Variants in PHACTR3 observed in about 807,000 individuals in gnomAD.
PHACTR3 encodes the protein phosphatase and actin regulator 3.
A neutral mutation model predicts 66.8 loss-of-function variants in PHACTR3; 16 were observed. The ratio of observed to expected loss-of-function variants is 0.24; its 90% confidence interval spans 0.16 to 0.36. The LOEUF is 0.36. PHACTR3 is among the 10% of genes least tolerant of loss of function. The pLI, the probability that PHACTR3 is intolerant of heterozygous loss-of-function variation, is 1.00. For synonymous variants in PHACTR3, 323 were observed against 292.1 expected (o/e 1.11, Z -1.08); for missense variants, 647 against 719.9 (o/e 0.90, Z 1.16).
chr20:59,783,911 T>A (rs2146932741), intron 7 of PHACTR3, among the ~76,000 whole-genome samples: 1 of 152,352 alleles, frequency 6.6e-6, no homozygotes, highest in South Asian at 2.1e-4. Flanking sequence ...TTAAAAGCAT[T>A]GGTAGGAACT....
At chr20:59,605,290 G>A (rs2033620588) in intron 1 of PHACTR3, among the ~76,000 whole-genome samples, 158 bp downstream of exon 1, 1 of 152,188 alleles carries the variant, frequency 6.6e-6, no homozygotes, top group African/African-American at 2.4e-5. Context: ...GTCTCGCAGG[G>A]CTGGGGCGCC....
chr20:59,815,555 G>T (rs1001089774), intron 8 of PHACTR3, among the ~76,000 whole-genome samples: 3 of 151,168 alleles, frequency 2.0e-5, no homozygotes, highest in South Asian at 2.1e-4. Flanking sequence ...CTCCCAATTA[G>T]CTGGGATTAC....
At chr20:59,783,839 G>A (rs764020462) in intron 7 of PHACTR3, among the ~76,000 whole-genome samples, 118 of 152,230 alleles carry the variant, frequency 7.8e-4, no homozygotes, top group Non-Finnish European at 1.5e-3. Context: ...GATGGACACA[G>A]GCAAAGAGTA....
intron 5 of PHACTR3, among the ~76,000 whole-genome samples, chr20:59,769,974 T>C (rs1347222340): frequency 6.6e-6 from 1 of 152,240 alleles, no homozygotes; most frequent in Non-Finnish European, 1.5e-5. Context: ...TTAAAGTCCA[T>C]TCAATTAGCC....
chr20:59,705,087 G>A (rs1185642895), intron 1 of PHACTR3, among the ~76,000 whole-genome samples: 1 of 151,738 alleles, frequency 6.6e-6, no homozygotes, highest in East Asian at 1.9e-4. Context: ...CATCCAAGTA[G>A]CTGGGATTAC....
chr20:59,673,433 G>T (rs923362990), intron 1 of PHACTR3, among the ~76,000 whole-genome samples: 3 of 152,220 alleles, frequency 2.0e-5, no homozygotes, highest in Non-Finnish European at 4.4e-5. Context: ...GCGCTAAGCG[G>T]GGTGTCTGCG....
chr20:59,766,033 G>A (rs1165879483), intron 4 of PHACTR3, among the ~76,000 whole-genome samples: 1 of 152,224 alleles, frequency 6.6e-6, no homozygotes. Context: ...CATCTCTCTT[G>A]GATCAGAGGG....
rs918434802 is a variant in PHACTR3 at position 59,681,271 on chromosome 20, CAT to C, written c.119-61835_119-61834del. ...GTCTTGGAGATTCCACACGTACACACATGTGCACATGTGCATACATACTCATA... is the reference window on the plus strand; with the variant it reads ...GTCTTGGAGATTCCACACGTACACACGTGCACATGTGCATACATACTCATA... On this transcript the variant is annotated intron_variant, in intron 1 of 12. Coordinates refer to ENST00000371015, the MANE Select transcript of PHACTR3 (RefSeq NM_080672.5). Among the ~76,000 whole-genome samples, 22 of 152,336 alleles carry C rather than the reference CAT, an allele frequency of 1.4e-4. No individual in the cohort carries two copies. The East Asian group carries it at 3.7e-3, about 25-fold the overall frequency.
At position 59,830,793 on chromosome 20, in the gene PHACTR3, G is replaced by A. The variant is rs2042344364; in HGVS notation, c.1329-5712G>A. ...TGGGGAATCAGAGGCTCAAGTAAGG[G>A]AGGGCGTGACGCCATCACCCAGCTG... On this transcript the variant is annotated intron_variant, in intron 8 of 12. Coordinates refer to ENST00000371015, the MANE Select transcript of PHACTR3 (RefSeq NM_080672.5). This position sits in a 1 kb window ranked among gnomAD's most constrained non-coding sequence, Gnocchi z 5.8. Among the ~76,000 whole-genome samples, 1 of 152,182 alleles carries A rather than the reference G, an allele frequency of 6.6e-6. No individual in the cohort carries two copies. Among genetic ancestry groups the A allele is most frequent in the Admixed American group, 6.5e-5 (1 of 15,286 alleles).
At chr20:59,619,554 C>T (rs906058512) in intron 1 of PHACTR3, among the ~76,000 whole-genome samples, 2 of 152,106 alleles carry the variant, frequency 1.3e-5, no homozygotes, top group Admixed American at 1.3e-4. Flanking sequence ...GCCTTTCGGA[C>T]CCCGAGCAGA....
intron 1 of PHACTR3, among the ~76,000 whole-genome samples, chr20:59,627,622 T>C (rs2146382560): frequency 6.6e-6 from 1 of 152,054 alleles, no homozygotes; most frequent in East Asian, 1.9e-4. Context: ...TAGGGAGAGG[T>C]GTGTGGTTGG....
chr20:59,839,804 A>G (rs561384684), intron 9 of PHACTR3, among the ~76,000 whole-genome samples: 1 of 152,230 alleles, frequency 6.6e-6, no homozygotes. Context: ...AGCGAGGTTC[A>G]TAGATGTGTT....
In PHACTR3 at chr20:59,605,678, G is replaced by C. The variant is rs188602078; in HGVS notation, c.118+546G>C. Among the ~76,000 whole-genome samples the C allele has an allele frequency of 5.8e-3, 891 of 152,370 alleles. 7 individuals are homozygous for C. The highest frequency in any genetic ancestry group is 6.7e-3 in the Non-Finnish European group (456 of 68,040). On this transcript the variant is annotated intron_variant, in intron 1 of 12. Transcript: ENST00000371015. ...TGCTGGGCAGAGCCGCCGGCAGGGA[G>C]ACGAAGGGCGTGCGCCAGGACAGAG... is the stretch of plus-strand genomic sequence containing the variant.
At chr20:59,825,196 C>A (rs192325783) in intron 8 of PHACTR3, among the ~76,000 whole-genome samples, 133 of 152,342 alleles carry the variant, frequency 8.7e-4, no homozygotes, top group African/African-American at 3.1e-3. Flanking sequence ...GGTTGGCACA[C>A]ATACTGCCTT....
At chr20:59,763,696 T>TCA (rs1156561789) in intron 4 of PHACTR3, among the ~76,000 whole-genome samples, 1 of 152,074 alleles carries the variant, frequency 6.6e-6, no homozygotes, top group Non-Finnish European at 1.5e-5. Context: ...TGTGAGAAGG[T>TCA]TAGACAGGGA....
chr20:59,785,965 A>G (rs547088183), intron 7 of PHACTR3, among the ~76,000 whole-genome samples: 2 of 152,282 alleles, frequency 1.3e-5, no homozygotes, highest in East Asian at 3.9e-4. Context: ...AGGTAGCACT[A>G]GACTTTTCTG....
chr20:59,578,063 CCTT>C (rs918615169), intron 1 of PHACTR3, among the ~76,000 whole-genome samples: 2 of 152,042 alleles, frequency 1.3e-5, no homozygotes, highest in Admixed American at 1.3e-4. Context: ...GCTTGATCGC[CCTT>C]CTTCCCCAGG....
intron 2 of PHACTR3, among the ~76,000 whole-genome samples, chr20:59,747,125 G>C (rs150221339): frequency 4.0e-4 from 61 of 152,332 alleles, no homozygotes; most frequent in African/African-American, 1.5e-3. Context: ...GTTTTGCTCC[G>C]GGAAGGGGAG....
At chr20:59,588,979 C>T (rs987740950) in intron 1 of PHACTR3, among the ~76,000 whole-genome samples, 5 of 152,240 alleles carry the variant, frequency 3.3e-5, no homozygotes, top group Admixed American at 6.5e-5. Flanking sequence ...TCTGCACCTT[C>T]ACTTCCAGCT....
Sources: gnomAD v4.1 joint callset for allele counts (sites outside exome capture counted in the v4.1 genomes callset) on GRCh38, gnomAD v4.1.1 for gene constraint, Gnocchi (gnomAD v3.1) non-coding constraint, MANE v1.5 for transcripts, NCBI Gene and HGNC (gene_info 2026-07-23, HGNC 2026-07-21) for gene names.